The following USP32 variants were observed in gnomAD, a reference collection of about 807,000 sequenced individuals.
USP32 encodes ubiquitin carboxyl-terminal hydrolase 32.
USP32 carries 59 observed loss-of-function variants against 204.8 expected under a neutral mutation model. That is an observed-to-expected ratio of 0.29 (90% CI 0.23 to 0.36). USP32 has a LOEUF of 0.36. USP32 is among the 10% of genes least tolerant of loss of function. The pLI, the probability that USP32 is intolerant of heterozygous loss-of-function variation, is 1.00. For missense variants in USP32, 1,160 were observed against 1,946.4 expected (o/e 0.60, Z 7.60); for synonymous variants, 517 against 678.4 (o/e 0.76, Z 3.70).
chr17:60,189,516 T>G (rs909746171), intron 29 of USP32, among the ~76,000 whole-genome samples: 1 of 152,254 alleles, frequency 6.6e-6, no homozygotes, highest in African/African-American at 2.4e-5. Flanking sequence ...TGTTTTTACC[T>G]CTCTATCAGA....
chr17:60,351,107 T>C (rs1244860966), intron 1 of USP32, among the ~76,000 whole-genome samples: 3 of 151,902 alleles, frequency 2.0e-5, no homozygotes, highest in Non-Finnish European at 4.4e-5. Flanking sequence ...AAATGGATGG[T>C]ACCAATTACC....
chr17:60,298,014 A>G (rs758020053), intron 3 of USP32, among the ~76,000 whole-genome samples: 3 of 152,182 alleles, frequency 2.0e-5, no homozygotes, highest in Non-Finnish European at 4.4e-5. Flanking sequence ...GAGGCTGCTC[A>G]CTTGACTGCC....
chr17:60,200,701 C>T (rs796800687), intron 26 of USP32, among the ~76,000 whole-genome samples: 4 of 152,250 alleles, frequency 2.6e-5, no homozygotes, highest in African/African-American at 9.6e-5. Context: ...CTCCCTTCCT[C>T]ACAAAGGTAA....
chr17:60,241,871 T>C (rs1053182528), intron 11 of USP32, among the ~76,000 whole-genome samples: 1 of 152,224 alleles, frequency 6.6e-6, no homozygotes, highest in Non-Finnish European at 1.5e-5. Context: ...GTTTTTAATT[T>C]TTTCTAAGTC....
At chr17:60,382,663 A>G (rs1465296140) in intron 1 of USP32, among the ~76,000 whole-genome samples, 1 of 152,246 alleles carries the variant, frequency 6.6e-6, no homozygotes. Flanking sequence ...ATAACTCTGT[A>G]TAACACTTTA....
chr17:60,180,770 T>TA, intron 32 of USP32, 133 bp from the exon 33 acceptor site: 1 of 911,430 alleles, frequency 1.1e-6, no homozygotes, highest in Non-Finnish European at 1.6e-6. Flanking sequence ...TAGAACCCTC[T>TA]AACTTTTTCT....
intron 2 of USP32, among the ~76,000 whole-genome samples, chr17:60,310,729 C>T (rs1567845155): frequency 6.6e-6 from 1 of 151,218 alleles, no homozygotes; most frequent in South Asian, 2.1e-4. Context: ...TTTGCAGCAA[C>T]ATGTTAAGTG....
chr17:60,355,576 G>C (rs550618014), intron 1 of USP32, among the ~76,000 whole-genome samples: 14 of 152,074 alleles, frequency 9.2e-5, no homozygotes, highest in Non-Finnish European at 1.6e-4. Context: ...AAATGACTGA[G>C]CTGAGTGCGG....
At chr17:60,235,947 G>T (rs576556750) in intron 12 of USP32, among the ~76,000 whole-genome samples, 191 bp downstream of exon 12, 14 of 152,310 alleles carry the variant, frequency 9.2e-5, no homozygotes, top group Admixed American at 7.2e-4. Flanking sequence ...AGAAATGTAT[G>T]TGGAAGTGTA....
upstream of USP32, chr17:60,392,501 A>T (rs900923799): frequency 3.5e-6 from 1 of 282,190 alleles, no homozygotes; most frequent in African/African-American, 2.3e-5. Context: ...CCCCGCGCCC[A>T]CATGTTCTGG....
intron 1 of USP32, among the ~76,000 whole-genome samples, chr17:60,350,014 T>C (rs1472493411): frequency 3.3e-5 from 5 of 151,176 alleles, no homozygotes; most frequent in East Asian, 1.9e-4. Context: ...TGTTGGTTTT[T>C]GTTTTTTTTT....
intron 26 of USP32, among the ~76,000 whole-genome samples, chr17:60,203,003 C>T (rs1488692171): frequency 1.3e-5 from 2 of 149,838 alleles, no homozygotes; most frequent in Admixed American, 6.6e-5. Context: ...TGCCTGGAGC[C>T]ACCAGAGGTT....
chr17:60,346,706 CA>C (rs541716762), intron 1 of USP32, among the ~76,000 whole-genome samples: 5 of 152,222 alleles, frequency 3.3e-5, no homozygotes, highest in Non-Finnish European at 1.5e-5. Flanking sequence ...AATAGAGGCA[CA>C]GAAATGGTAC....
intron 1 of USP32, among the ~76,000 whole-genome samples, chr17:60,377,692 C>T (rs2089574075): frequency 6.6e-6 from 1 of 152,206 alleles, no homozygotes; most frequent in Non-Finnish European, 1.5e-5. Flanking sequence ...TCATCACAAG[C>T]AGCACTGTTA....
chr17:60,212,454 A>G (rs540544565), intron 18 of USP32, among the ~76,000 whole-genome samples: 16 of 152,328 alleles, frequency 1.1e-4, no homozygotes, highest in Admixed American at 4.6e-4. Context: ...TAGAAAAGGC[A>G]CAACTAAAAA....
chr17:60,376,114 T>C (rs927499541), intron 1 of USP32, among the ~76,000 whole-genome samples: 17 of 152,110 alleles, frequency 1.1e-4, no homozygotes, highest in Admixed American at 9.2e-4. Context: ...GGCACAATCA[T>C]GGCTCACTAC....
intron 3 of USP32, 151 bp from the exon 4 acceptor site, chr17:60,294,952 A>G: frequency 1.8e-6 from 1 of 555,428 alleles, no homozygotes; most frequent in Non-Finnish European, 3.1e-6. Flanking sequence ...ATAATCCAGC[A>G]ACAAAAATTT....
intron 4 of USP32, among the ~76,000 whole-genome samples, chr17:60,289,002 T>C (rs574901962): frequency 6.6e-6 from 1 of 152,258 alleles, no homozygotes; most frequent in Non-Finnish European, 1.5e-5. Context: ...CTGCATTTTG[T>C]TTTTTGTTTT....
intron 2 of USP32, among the ~76,000 whole-genome samples, chr17:60,325,605 CA>C (rs2088213835): frequency 6.6e-6 from 1 of 151,736 alleles, no homozygotes; most frequent in Non-Finnish European, 1.5e-5. Flanking sequence ...AAATGCAAAG[CA>C]AAAGATAAGT....
Sources: allele counts gnomAD v4.1 joint callset (sites outside exome capture counted in the v4.1 genomes callset), GRCh38; gene constraint gnomAD v4.1.1; transcripts MANE v1.5; gene names NCBI Gene and HGNC (gene_info 2026-07-23, HGNC 2026-07-21).